Variants in ZFP69B observed in about 807,000 individuals in gnomAD.
ZFP69B encodes ZFP69 zinc finger protein B, also known as zinc finger protein 69 homolog B.
In ZFP69B, 20 loss-of-function variants were observed where a neutral mutation model predicts 19.7. The ratio of observed to expected loss-of-function variants is 1.02; its 90% CI spans 0.71 to 1.48. The LOEUF (loss-of-function observed/expected upper bound fraction) is 1.48, where lower values mean the gene tolerates loss of function less well. ZFP69B is among the 40% of genes most tolerant of loss of function. The pLI is 0.00. For missense variants in ZFP69B, 583 were observed against 632.6 expected, an observed-to-expected ratio of 0.92 and a Z score of 0.84; for synonymous variants, 220 against 222.7, an observed-to-expected ratio of 0.99 and a Z score of 0.11.
chr1:40,461,479 C>G lies in ZFP69B; in HGVS notation c.437-942C>G, dbSNP rs551256047. Among the ~76,000 whole-genome samples the G allele has an allele frequency of 2.6e-5, 4 of 151,978 alleles. No individual in the cohort carries two copies. In the South Asian group the frequency reaches 8.3e-4, roughly 32 times the overall value. ...GAAAATTTTGTCAGAGAAATATGGG[C>G]TTGAGATGATATGATGTTAGAATCC... On this transcript the variant is annotated intron_variant, in intron 4 of 4. Coordinates refer to ENST00000361584, the MANE Select transcript of ZFP69B (RefSeq NM_023070.3).
chr1:40,454,080 C>G (rs958063411), intron 1 of ZFP69B, 123 bp from the exon 2 acceptor site: 5 of 525,604 alleles, frequency 9.5e-6, no homozygotes, highest in African/African-American at 7.8e-5. Context: ...CTCTTGAGTC[C>G]GTCTAAATGT....
chr1:40,463,609 A>C lies in ZFP69B; in HGVS notation c.*20A>C, dbSNP rs369233223. ...GTGTGAAATATACTAAACATCAAAGAATCTATGTTGGAGCACAAGATTCTA... is the reference window on the plus strand; with the variant it reads ...GTGTGAAATATACTAAACATCAAAGCATCTATGTTGGAGCACAAGATTCTA... On this transcript the variant is annotated 3_prime_UTR_variant, in exon 5 of 5. Transcript: ENST00000361584. 61 of 1,551,752 alleles carry C rather than the reference A, an allele frequency of 3.9e-5. No homozygotes were observed. Among genetic ancestry groups the C allele is most frequent in the Non-Finnish European group, 4.6e-5 (53 of 1,147,468 alleles).
chr1:40,456,947 A>G lies in ZFP69B; in HGVS notation c.216A>G (p.Glu72=). The G allele has an allele frequency of 6.2e-7, 1 of 1,613,408 alleles. No individual in the cohort carries two copies. Among genetic ancestry groups the G allele is most frequent in the Non-Finnish European group, 8.5e-7 (1 of 1,179,650 alleles). The change falls in exon 3 of 5, where the codon GAA becomes GAG. Residue 72 remains glutamate, a splice_region_variant and synonymous_variant. Transcript: ENST00000361584. The part of the protein sequence containing the change: ...TLGSLTAESQ[E]LLTFKDVSVD... ...AAGGAACGTATTTGATGTTCTAGGA[A>G]CTGTTAACCTTCAAGGACGTATCTG...
At chr1:40,458,539 C>T (rs1054121281) in intron 4 of ZFP69B, among the ~76,000 whole-genome samples, 1 of 144,996 alleles carries the variant, frequency 6.9e-6, no homozygotes, top group African/African-American at 2.6e-5. Flanking sequence ...TTTTTTGAGA[C>T]AGAGTCTTGC....
intron 3 of ZFP69B, 105 bp from the exon 4 acceptor site, chr1:40,457,239 C>T (rs1439946195): frequency 1.3e-6 from 2 of 1,485,062 alleles, no homozygotes; most frequent in Non-Finnish European, 1.9e-6. Context: ...TCTTTCTACT[C>T]TACTCTGCTT....
chr1:40,463,507 G>A lies in ZFP69B; in HGVS notation c.1523G>A (p.Cys508Tyr), dbSNP rs1164750378. ...TGEKPYDCNE[C>Y]GKAFSCSSSL... ...GAAAAACCTTATGATTGTAATGAGT[G>A]TGGAAAAGCCTTCAGCTGTAGTTCA... The change falls in exon 5 of 5, where the codon TGT becomes TAT. Residue 508 changes from cysteine (C) to tyrosine (Y), a missense_variant. Coordinates refer to ENST00000361584, the MANE Select transcript of ZFP69B (RefSeq NM_023070.3). The A allele has an allele frequency of 2.5e-6, 4 of 1,614,174 alleles. No individual in the cohort carries two copies. The highest frequency in any genetic ancestry group is 1.7e-5 in the Admixed American group (1 of 60,030).
At position 40,462,557 on chromosome 1, in the gene ZFP69B, A is replaced by G; in HGVS notation, c.573A>G (p.Lys191=). Reference sequence around the variant, plus strand: ...ATTCCACCTTGGGAAGAATCTCCAAATGTAATAAGCTAGAAAGCCAACAAG... The same window carrying G: ...ATTCCACCTTGGGAAGAATCTCCAAGTGTAATAAGCTAGAAAGCCAACAAG... ...SMYSTLGRIS[K]CNKLESQQEN... Residue 191 remains lysine (K), a synonymous_variant, in exon 5 of 5, where the codon AAA becomes AAG. Transcript: ENST00000361584. The G allele has an allele frequency of 1.9e-6, 3 of 1,614,168 alleles. No individual in the cohort carries two copies. The highest frequency in any genetic ancestry group is 2.5e-6 in the Non-Finnish European group (3 of 1,180,020).
At chr1:40,451,244 T>C (rs1435143600) in intron 1 of ZFP69B, among the ~76,000 whole-genome samples, 156 bp downstream of exon 1, 1 of 152,108 alleles carries the variant, frequency 6.6e-6, no homozygotes, top group South Asian at 2.1e-4. Context: ...TTTTCCTAAG[T>C]AGTGGTGGTC....
At position 40,451,027 on chromosome 1, in the gene ZFP69B, A is replaced by G. The variant is rs1313735471; in HGVS notation, c.66A>G (p.Pro22=). The G allele has an allele frequency of 2.5e-5, 38 of 1,550,194 alleles. No individual in the cohort carries two copies. Among genetic ancestry groups the G allele is most frequent in the Non-Finnish European group, 3.1e-5 (35 of 1,146,432 alleles). Residue 22 remains proline (P), a synonymous_variant, in exon 1 of 5, where the codon CCA becomes CCG. Transcript: ENST00000361584. ...GCACCTGGGTGAAGTTGCGTCATCC[A>G]AAGGCGGCCACGGAGCGGGTGGCCC... is the stretch of plus-strand genomic sequence containing the variant. ...EASTWVKLRH[P]KAATERVALW... is the part of the protein sequence containing the mutation.
chr1:40,462,974 T>C lies in ZFP69B; in HGVS notation c.990T>C (p.Thr330=). ...TTATTCCGCATCAGAGAATTCATAC[T>C]GGTGAGAAACCCTATGAATGTAAGG... ...SSLIPHQRIH[T]GEKPYECKEC... The change falls in exon 5 of 5, where the codon ACT becomes ACC. Residue 330 remains threonine (T), a synonymous_variant. Coordinates refer to ENST00000361584, the MANE Select transcript of ZFP69B (RefSeq NM_023070.3). 1 of 1,614,116 alleles carries C rather than the reference T, an allele frequency of 6.2e-7. No homozygotes were observed. The highest frequency in any genetic ancestry group is 8.5e-7 in the Non-Finnish European group (1 of 1,180,010).
rs1645177277 is a variant in ZFP69B, at chr1:40,450,726, A to C, written c.-236A>C. 6.4e-6 allele frequency: 2 copies of C among 311,132 alleles called. No homozygotes were observed. Among genetic ancestry groups the C allele is most frequent in the East Asian group, 1.2e-4 (2 of 16,080 alleles). 19.3% of individuals were successfully genotyped at this position (311,132 alleles called of 1,614,324 possible). On this transcript the variant is annotated 5_prime_UTR_variant, in exon 1 of 5. Coordinates refer to ENST00000361584, the MANE Select transcript of ZFP69B (RefSeq NM_023070.3). ...CTGGCCAAGGAGACAGATGGAGCTC[A>C]AGTTGGGAGATACGCCCTGAGAGCC...
intron 2 of ZFP69B, among the ~76,000 whole-genome samples, chr1:40,455,584 T>C (rs1407879181): frequency 6.6e-6 from 1 of 152,162 alleles, no homozygotes; most frequent in Non-Finnish European, 1.5e-5. Flanking sequence ...TTGGGAGGTT[T>C]TTGTTTGTTT....
Position 40,452,126 on chromosome 1 carries a change from AAAATAAAT to A in ZFP69B, c.127+1055_127+1062del, listed in dbSNP as rs60077439. The stretch of plus-strand genomic sequence containing the variant: ...GGTGACAGAGCAAGACCTTGTCTCA[AAAATAAAT>A]AAATAAATAAATAAATGTAGAAAGA... On this transcript the variant is annotated intron_variant, in intron 1 of 4. Coordinates refer to ENST00000361584, the MANE Select transcript of ZFP69B (RefSeq NM_023070.3). 1.7e-3 allele frequency among the ~76,000 whole-genome samples: 251 copies of A among 150,240 alleles called. 3 individuals carry two copies. The highest frequency in any genetic ancestry group is 5.8e-3 in the African/African-American group (235 of 40,678).
chr1:40,451,191 T>C, intron 1 of ZFP69B, 103 bp downstream of exon 1: 1 of 1,341,998 alleles, frequency 7.5e-7, no homozygotes, highest in African/African-American at 1.5e-5. Flanking sequence ...GACGAGTGGG[T>C]GGAGGGTTTC....
intron 4 of ZFP69B, among the ~76,000 whole-genome samples, chr1:40,461,297 A>G (rs1219832018): frequency 6.6e-6 from 1 of 152,206 alleles, no homozygotes; most frequent in Non-Finnish European, 1.5e-5. Flanking sequence ...GAATGGAGAC[A>G]TTTCAGAATC....
At chr1:40,453,153 G>A (rs555162419) in intron 1 of ZFP69B, among the ~76,000 whole-genome samples, 1 of 152,158 alleles carries the variant, frequency 6.6e-6, no homozygotes, top group South Asian at 2.1e-4. Flanking sequence ...TAGAGACGGT[G>A]TTTTACTATC....
chr1:40,451,152 G>A, intron 1 of ZFP69B, 64 bp downstream of exon 1: 2 of 1,425,484 alleles, frequency 1.4e-6, no homozygotes, highest in South Asian at 3.0e-5. Context: ...GAAGGAATGA[G>A]TCACTTGAGT....
At chr1:40,453,765 G>T (rs1040612483) in intron 1 of ZFP69B, among the ~76,000 whole-genome samples, 1 of 152,096 alleles carries the variant, frequency 6.6e-6, no homozygotes, top group Non-Finnish European at 1.5e-5. Flanking sequence ...CCAGCTACTC[G>T]GGAGGCTGAG....
chr1:40,461,519 G>A (rs1187567822), intron 4 of ZFP69B, among the ~76,000 whole-genome samples: 1 of 152,112 alleles, frequency 6.6e-6, no homozygotes, highest in Non-Finnish European at 1.5e-5. Flanking sequence ...TTACACCCAG[G>A]CATGGTGGCT....
Sources: gnomAD v4.1 joint callset for allele counts (sites outside exome capture counted in the v4.1 genomes callset) on GRCh38, gnomAD v4.1.1 for gene constraint, MANE v1.5 for transcripts, NCBI Gene and HGNC (gene_info 2026-07-23, HGNC 2026-07-21) for gene names.